Variants in TNRC18 observed in about 807,000 individuals in gnomAD.
The protein encoded by TNRC18 is trinucleotide repeat containing 18.
In TNRC18, 69 loss-of-function variants were observed where a neutral mutation model predicts 226.7. The observed-to-expected ratio is 0.30, with a 90% CI of 0.25 to 0.37. The LOEUF (loss-of-function observed/expected upper bound fraction) is 0.37, where lower values mean the gene tolerates loss of function less well. Ranked by LOEUF, TNRC18 falls within the 10% of genes least tolerant of loss-of-function variation. TNRC18 has a pLI of 1.00. For missense variants in TNRC18, 4,754 were observed against 4,256.6 expected, an observed-to-expected ratio of 1.12 and a Z score of -3.25; for synonymous variants, 2,449 against 1,927.6, an observed-to-expected ratio of 1.27 and a Z score of -7.09.
At chr7:5,322,920 C>T (rs1788520792) in intron 21 of TNRC18, among the ~76,000 whole-genome samples, 1 of 152,218 alleles carries the variant, frequency 6.6e-6, no homozygotes, top group Non-Finnish European at 1.5e-5. Flanking sequence ...CAGAAGTGGC[C>T]GGGGCCCAAT....
chr7:5,329,410 G>A (rs1789273297), intron 19 of TNRC18, among the ~76,000 whole-genome samples: 1 of 151,840 alleles, frequency 6.6e-6, no homozygotes, highest in Admixed American at 6.6e-5. Context: ...ACAGCCAGGA[G>A]CGGTGGCCCA....
chr7:5,367,329 C>G (rs535094012), intron 11 of TNRC18, among the ~76,000 whole-genome samples: 1 of 152,066 alleles, frequency 6.6e-6, no homozygotes, highest in Non-Finnish European at 1.5e-5. Flanking sequence ...CACACCACTG[C>G]ACTCCAGCCT....
At chr7:5,344,396 G>A (rs1299331893) in intron 18 of TNRC18, among the ~76,000 whole-genome samples, 1 of 152,192 alleles carries the variant, frequency 6.6e-6, no homozygotes, top group Admixed American at 6.5e-5. Context: ...AGGTAGCCTT[G>A]TAGGGGGCCC....
chr7:5,337,540 G>C (rs1197076187), intron 18 of TNRC18, among the ~76,000 whole-genome samples: 2 of 150,326 alleles, frequency 1.3e-5, no homozygotes, highest in East Asian at 3.9e-4. Flanking sequence ...AGGCAAAACT[G>C]CTAAATGAAG....
chr7:5,388,622 T>C lies in TNRC18; in HGVS notation c.1202A>G (p.Glu401Gly). The C allele has an allele frequency of 7.8e-7, 1 of 1,282,880 alleles. No homozygotes were observed. The highest frequency in any genetic ancestry group is 9.9e-7 in the Non-Finnish European group (1 of 1,014,102). 79.5% of individuals were successfully genotyped at this position (1,282,880 alleles called of 1,614,324 possible). A position where few individuals can be genotyped will look rare whatever the true frequency, so the allele number is the denominator to read the frequency against. ...ASQARDARAREREAGRPGVLQ... is the reference protein window; with the variant it reads ...ASQARDARARGREAGRPGVLQ... ...GACCCCTGGCCTGCCAGCCTCGCGCTCGCGGGCCCGGGCATCGCGCGCCTG... is the reference window on the plus strand; with the variant it reads ...GACCCCTGGCCTGCCAGCCTCGCGCCCGCGGGCCCGGGCATCGCGCGCCTG... Residue 401 changes from glutamate to glycine, a missense_variant, in exon 5 of 30, where the codon GAG becomes GGG. Coordinates refer to ENST00000430969, the MANE Select transcript of TNRC18 (RefSeq NM_001080495.3).
At chr7:5,316,582 G>C (rs368794089) in intron 24 of TNRC18, among the ~76,000 whole-genome samples, 2 of 152,184 alleles carry the variant, frequency 1.3e-5, no homozygotes, top group East Asian at 3.9e-4. Flanking sequence ...TCTGGCCTGG[G>C]TCTCCCATTT....
At chr7:5,373,235 G>A (rs1405305123) in intron 10 of TNRC18, among the ~76,000 whole-genome samples, 1 of 152,110 alleles carries the variant, frequency 6.6e-6, no homozygotes, top group South Asian at 2.1e-4. Context: ...GAAACAGGAG[G>A]ATCGCTCGAG....
chr7:5,339,616 G>A (rs1485314018), intron 18 of TNRC18, among the ~76,000 whole-genome samples: 1 of 151,076 alleles, frequency 6.6e-6, no homozygotes, highest in Non-Finnish European at 1.5e-5. Context: ...CCAGGATGGA[G>A]GGCAGTGCAA....
At chr7:5,371,504 T>C in intron 10 of TNRC18, 140 bp from the exon 11 acceptor site, 1 of 1,152,004 alleles carries the variant, frequency 8.7e-7, no homozygotes, top group Non-Finnish European at 1.2e-6. Context: ...GGAGCTGTTC[T>C]AGGTGGGATC....
At chr7:5,373,802 A>T in intron 10 of TNRC18, among the ~76,000 whole-genome samples, 1 of 152,002 alleles carries the variant, frequency 6.6e-6, no homozygotes, top group East Asian at 1.9e-4. Context: ...AACTCAGAAC[A>T]ACTCATCCTG....
Position 5,351,756 on chromosome 7 carries a change from C to A in TNRC18, c.5470+63G>T. The A allele has an allele frequency of 2.0e-6, 3 of 1,480,930 alleles. No homozygotes were observed. The South Asian group carries it at 4.3e-5, about 21-fold the overall frequency. 91.7% of individuals were successfully genotyped at this position (1,480,930 alleles called of 1,614,324 possible). On this transcript the variant is annotated intron_variant, in intron 17 of 29. Transcript: ENST00000430969. The stretch of plus-strand genomic sequence containing the variant: ...CGTGCGCCCACTCGCTTCCCTCTCG[C>A]TCACTCGCACGCACTCTCTCGCTAG...
At chr7:5,335,179 T>C (rs1206184498) in intron 18 of TNRC18, among the ~76,000 whole-genome samples, 1 of 150,708 alleles carries the variant, frequency 6.6e-6, no homozygotes, top group East Asian at 2.0e-4. Context: ...GGCGGGTGCC[T>C]ATAGTCCCAG....
Position 5,390,563 on chromosome 7 carries a change from T to C in TNRC18, c.409A>G (p.Ser137Gly), listed in dbSNP as rs1450411539. 3.1e-6 allele frequency: 5 copies of C among 1,613,316 alleles called. No homozygotes were observed. In the African/African-American group the frequency reaches 4.0e-5, roughly 13 times the overall value. ...YLHLNHLEPPSSGSPLLSQLG... is the reference protein window; with the variant it reads ...YLHLNHLEPPGSGSPLLSQLG... ...TGGCTGAGGAGGGGGCTCCCACTGC[T>C]GGGGGGCTCCAGGTGGTTCAGGTGG... Residue 137 changes from serine to glycine, a missense_variant, in exon 4 of 30, where the codon AGC becomes GGC. Ser to Gly is a moderately conservative substitution (Grantham distance 56, BLOSUM62 0). Transcript: ENST00000430969.
chr7:5,390,428 C>A (rs564397019), intron 4 of TNRC18, 57 bp downstream of exon 4: 2 of 1,606,330 alleles, frequency 1.2e-6, no homozygotes, highest in East Asian at 4.5e-5. Context: ...TGCCAAAGGC[C>A]CCAGAAGCCT....
chr7:5,386,567 C>G (rs56339818), intron 5 of TNRC18, among the ~76,000 whole-genome samples: 27,244 of 146,136 alleles, frequency 0.19, 4,370 homozygotes, highest in African/African-American at 0.44. Context: ...ATGCAAGACT[C>G]TGTCTCCAAA....
Position 5,356,911 on chromosome 7 carries a change from C to G in TNRC18, c.5194+5G>C. 1 of 1,536,260 alleles carries G rather than the reference C, an allele frequency of 6.5e-7. No individual in the cohort carries two copies. The highest frequency in any genetic ancestry group is 8.8e-7 in the Non-Finnish European group (1 of 1,138,954). On this transcript the variant is annotated splice_donor_5th_base_variant and intron_variant, in intron 16 of 29. Transcript: ENST00000430969. ...ACCAGAGGTGGCGCGGCATACGCTACTTACTGTAAGAGTAGCTGCTCACTT... is the reference window on the plus strand; with the variant it reads ...ACCAGAGGTGGCGCGGCATACGCTAGTTACTGTAAGAGTAGCTGCTCACTT...
chr7:5,309,515 T>C lies in TNRC18; in HGVS notation c.8389-147A>G. On this transcript the variant is annotated intron_variant, in intron 27 of 29. Transcript: ENST00000430969. The surrounding 1 kb of genome is among the most constrained non-coding windows in gnomAD (Gnocchi z 5.7). ...TGGGGAGATGAGGAAGCTCCTTGTC[T>C]CGCTTCAAGTGGGGAAGCCCCTCTT... is the stretch of plus-strand genomic sequence containing the variant. The C allele has an allele frequency of 1.5e-6, 1 of 680,276 alleles. No homozygotes were observed. Among genetic ancestry groups the C allele is most frequent in the Non-Finnish European group, 2.5e-6 (1 of 406,512 alleles). 42.1% of individuals were successfully genotyped at this position (680,276 alleles called of 1,614,324 possible).
In TNRC18 at chr7:5,421,226, C is replaced by A. The variant is rs1384150428; in HGVS notation, c.21G>T (p.Gly7=). ...GGGGACCGTGCACGGACCGCTGGGG[C>A]CCGAAGTCTCGGCCATCCATCCTCC... is the stretch of plus-strand genomic sequence containing the variant. MDGRDF[G]PQRSVHGPPP... The change falls in exon 2 of 30, where the codon GGG becomes GGT. Residue 7 remains glycine (G), a synonymous_variant. Transcript: ENST00000430969. 1.8e-5 allele frequency: 23 copies of A among 1,309,872 alleles called. No homozygotes were observed. The highest frequency in any genetic ancestry group is 2.2e-5 in the Non-Finnish European group (23 of 1,026,110). 81.1% of individuals were successfully genotyped at this position (1,309,872 alleles called of 1,614,324 possible).
At chr7:5,380,129 C>G (rs113904315) in intron 5 of TNRC18, among the ~76,000 whole-genome samples, 19 of 152,302 alleles carry the variant, frequency 1.2e-4, no homozygotes, top group African/African-American at 3.8e-4. Flanking sequence ...TCCCACACCC[C>G]CAAATACCAG....
Sources: gnomAD v4.1 joint callset for allele counts (sites outside exome capture counted in the v4.1 genomes callset) on GRCh38, gnomAD v4.1.1 for gene constraint, Gnocchi (gnomAD v3.1) non-coding constraint, MANE v1.5 for transcripts, NCBI Gene and HGNC (gene_info 2026-07-23, HGNC 2026-07-21) for gene names.